MTHFD1L: variants seen among roughly 807,000 people sequenced by gnomAD.
The protein encoded by MTHFD1L is methylenetetrahydrofolate dehydrogenase (NADP+ dependent) 1 like.
In MTHFD1L, 81 loss-of-function variants were observed where a neutral mutation model predicts 119.5. The ratio of observed to expected loss-of-function variants is 0.68; its 90% CI spans 0.57 to 0.82. The LOEUF is 0.82. Ranked by LOEUF, MTHFD1L falls within the 40% of genes least tolerant of loss-of-function variation. The pLI, the probability that MTHFD1L is intolerant of heterozygous loss-of-function variation, is 0.00. For missense variants in MTHFD1L, 1,125 were observed against 1,253.4 expected (o/e 0.90, Z 1.55); for synonymous variants, 430 against 475.2 (o/e 0.90, Z 1.24).
At chr6:151,091,227 T>G (rs76815761) in intron 26 of MTHFD1L, among the ~76,000 whole-genome samples, 2 of 46,172 alleles carry the variant, frequency 4.3e-5, no homozygotes, top group Admixed American at 2.8e-4. Context: ...TTGCCCCATG[T>G]GACTGGGTGC....
intron 11 of MTHFD1L, among the ~76,000 whole-genome samples, chr6:150,932,834 G>GGAAGGAAGGAAGGAAGGAAGGAAGGAAT (rs1562405109): frequency 8.3e-6 from 1 of 120,560 alleles, no homozygotes; most frequent in African/African-American, 3.8e-5. Flanking sequence ...AAGGAAGGAA[G>GGAAGGAAGGAAGGAAGGAAGGAAGGAAT]GAAGGAAGGG....
intron 8 of MTHFD1L, among the ~76,000 whole-genome samples, chr6:150,908,279 A>G (rs1786274810): frequency 6.6e-6 from 1 of 151,488 alleles, no homozygotes; most frequent in African/African-American, 2.4e-5. Flanking sequence ...TGTAGTTTTA[A>G]GTTAGTGGCA....
intron 26 of MTHFD1L, among the ~76,000 whole-genome samples, chr6:151,047,625 A>G (rs1788299962): frequency 6.6e-6 from 1 of 152,168 alleles, no homozygotes; most frequent in South Asian, 2.1e-4. Context: ...AAAAGAGCCA[A>G]TTCCATCCTA....
chr6:150,916,387 C>T (rs1285512300), intron 8 of MTHFD1L, among the ~76,000 whole-genome samples: 55 of 138,112 alleles, frequency 4.0e-4, no homozygotes, highest in African/African-American at 4.6e-4. Flanking sequence ...CCGCAATCTC[C>T]GCCTCCCAGG....
In MTHFD1L at chr6:150,885,622, T is replaced by A. The variant is rs1307735519; in HGVS notation, c.543-12T>A. On this transcript the variant is annotated splice_polypyrimidine_tract_variant and intron_variant, in intron 5 of 27. Transcript: ENST00000367321. ...GCTTTGACTTAACCTACTTCTTTATTTTCTGATTCAGAGTAACAGACATAA... is the reference window on the plus strand; with the variant it reads ...GCTTTGACTTAACCTACTTCTTTATATTCTGATTCAGAGTAACAGACATAA... The A allele has an allele frequency of 1.2e-6, 2 of 1,610,418 alleles. No homozygotes were observed. The highest frequency in any genetic ancestry group is 1.7e-6 in the Non-Finnish European group (2 of 1,177,064).
chr6:151,070,919 A>G (rs1443208597), intron 26 of MTHFD1L, among the ~76,000 whole-genome samples: 1 of 152,270 alleles, frequency 6.6e-6, no homozygotes, highest in Admixed American at 6.5e-5. Context: ...CCATTCCCTA[A>G]AGCAGATAGC....
At chr6:150,885,030 C>T (rs803424) in intron 5 of MTHFD1L, among the ~76,000 whole-genome samples, 2,593 of 152,092 alleles carry the variant, frequency 0.017, 27 homozygotes, top group Middle Eastern at 0.071. Flanking sequence ...CCTGGAGTTG[C>T]GAAGTGAAGC....
At chr6:151,074,993 A>T (rs1353937776) in intron 26 of MTHFD1L, among the ~76,000 whole-genome samples, 1 of 152,220 alleles carries the variant, frequency 6.6e-6, no homozygotes, top group Admixed American at 6.5e-5. Context: ...AAGAGTTGTA[A>T]CCTTGTTATA....
At chr6:151,057,631 T>TA (rs1311678073) in intron 26 of MTHFD1L, among the ~76,000 whole-genome samples, 2 of 151,798 alleles carry the variant, frequency 1.3e-5, no homozygotes, top group Non-Finnish European at 2.9e-5. Flanking sequence ...GACCCTGTCT[T>TA]AAAAAAACAA....
At chr6:150,892,610 C>T (rs537944325) in intron 7 of MTHFD1L, among the ~76,000 whole-genome samples, 1 of 152,248 alleles carries the variant, frequency 6.6e-6, no homozygotes, top group Admixed American at 6.5e-5. Context: ...ATGTTCATAG[C>T]CCCGCCCCAT....
chr6:151,001,560 G>A (rs1007452634), intron 20 of MTHFD1L, among the ~76,000 whole-genome samples: 1 of 152,158 alleles, frequency 6.6e-6, no homozygotes, highest in Non-Finnish European at 1.5e-5. Flanking sequence ...AGAGCATTGG[G>A]GTCACTCATT....
At chr6:150,870,642 G>A (rs1209336343) in intron 1 of MTHFD1L, among the ~76,000 whole-genome samples, 1 of 152,106 alleles carries the variant, frequency 6.6e-6, no homozygotes, top group African/African-American at 2.4e-5. Flanking sequence ...GCCGGGCGTG[G>A]TAGCTCATGA....
chr6:150,922,442 A>G (rs1444287599), intron 10 of MTHFD1L, 140 bp downstream of exon 10: 8 of 523,276 alleles, frequency 1.5e-5, no homozygotes, highest in Non-Finnish European at 2.7e-5. Context: ...TTGCCACCCT[A>G]TTTTCTCTAT....
At chr6:151,055,114 A>G (rs1334040268) in intron 26 of MTHFD1L, 1 of 152,096 alleles carries the variant, frequency 6.6e-6, no homozygotes, top group African/African-American at 2.4e-5. Context: ...AAAAATACAA[A>G]AATTAGCCGG....
intron 2 of MTHFD1L, among the ~76,000 whole-genome samples, 185 bp downstream of exon 2, chr6:150,876,359 T>G (rs1045223731): frequency 1.3e-5 from 2 of 152,196 alleles, no homozygotes; most frequent in African/African-American, 4.8e-5. Context: ...TGAGTGTGTC[T>G]TCTTTTGTGA....
At chr6:150,960,125 C>T (rs78270678) in intron 17 of MTHFD1L, 150 bp from the exon 18 acceptor site, 16,013 of 1,081,000 alleles carry the variant, frequency 0.015, 154 homozygotes, top group African/African-American at 0.029. Context: ...GGTCCAGACA[C>T]GCAGAAAACT....
intron 11 of MTHFD1L, among the ~76,000 whole-genome samples, chr6:150,931,815 G>A (rs1411485300): frequency 6.6e-6 from 1 of 152,136 alleles, no homozygotes; most frequent in Admixed American, 6.5e-5. Flanking sequence ...ATGGTCACAG[G>A]TACTTTGACA....
chr6:151,070,471 A>G (rs1791836701), intron 26 of MTHFD1L, among the ~76,000 whole-genome samples: 1 of 152,192 alleles, frequency 6.6e-6, no homozygotes, highest in Non-Finnish European at 1.5e-5. Context: ...TAAAATACCC[A>G]CATTCTTCTC....
At chr6:150,938,210 G>T (rs1450746877) in intron 12 of MTHFD1L, among the ~76,000 whole-genome samples, 2 of 151,980 alleles carry the variant, frequency 1.3e-5, no homozygotes, top group African/African-American at 2.4e-5. Flanking sequence ...TAGAGATAGG[G>T]TTTCATCATG....
Sources: gnomAD v4.1 joint callset for allele counts (sites outside exome capture counted in the v4.1 genomes callset) on GRCh38, gnomAD v4.1.1 for gene constraint, MANE v1.5 for transcripts, NCBI Gene and HGNC (gene_info 2026-07-23, HGNC 2026-07-21) for gene names.